Variants in ALDH1L1 observed in about 807,000 individuals in gnomAD.
ALDH1L1 encodes the protein aldehyde dehydrogenase 1 family member L1.
In ALDH1L1, 68 loss-of-function variants were observed where a neutral mutation model predicts 101.1. The ratio of observed to expected loss-of-function variants is 0.67; its 90% confidence interval spans 0.55 to 0.82. ALDH1L1 has a LOEUF of 0.82. Among genes scored for constraint, ALDH1L1 ranks in the 40% least tolerant of loss-of-function variants. ALDH1L1 has a pLI of 0.00. For synonymous variants in ALDH1L1, 486 were observed against 470.8 expected, an observed-to-expected ratio of 1.03 and a Z score of -0.42; for missense variants, 1,087 against 1,172.7, an observed-to-expected ratio of 0.93 and a Z score of 1.07.
At chr3:126,149,629 T>C (rs1019350165) in intron 8 of ALDH1L1, among the ~76,000 whole-genome samples, 1 of 152,180 alleles carries the variant, frequency 6.6e-6, no homozygotes, top group African/African-American at 2.4e-5. Flanking sequence ...CACAAATGCC[T>C]CATGTCCATC....
At chr3:126,157,926 C>T (rs2080949403) in intron 3 of ALDH1L1, among the ~76,000 whole-genome samples, 3 of 152,172 alleles carry the variant, frequency 2.0e-5, no homozygotes, top group Admixed American at 2.0e-4. Context: ...CATTTGTTGT[C>T]TTGGGAATTC....
chr3:126,125,022 G>A (rs1301342085), intron 15 of ALDH1L1, among the ~76,000 whole-genome samples: 1 of 152,154 alleles, frequency 6.6e-6, no homozygotes, highest in Non-Finnish European at 1.5e-5. Context: ...CAGCGGGCAG[G>A]CTGTCATTGC....
Position 126,158,512 on chromosome 3 carries a change from G to A in ALDH1L1, c.255C>T (p.Phe85=). Residue 85 remains phenylalanine (F), a synonymous_variant, in exon 3 of 23, where the codon TTC becomes TTT. Transcript: ENST00000393434. ...ALGAELNVLP[F]CSQFIPMEII... ...TCTCCATGGGGATGAATTGGCTGCA[G>A]AAGGGCAGGACGTTGAGCTCGGCCC... is the stretch of plus-strand genomic sequence containing the variant. 6.2e-7 allele frequency: 1 copy of A among 1,614,210 alleles called. No individual in the cohort carries two copies. Among genetic ancestry groups the A allele is most frequent in the Non-Finnish European group, 8.5e-7 (1 of 1,180,024 alleles).
chr3:126,109,803 C>T (rs2108176772), intron 20 of ALDH1L1, 141 bp downstream of exon 20: 1 of 1,234,008 alleles, frequency 8.1e-7, no homozygotes, highest in East Asian at 2.5e-5. Context: ...CCCAGTCCAT[C>T]CCAGGTCCCA....
At position 126,122,766 on chromosome 3, in the gene ALDH1L1, A is replaced by G. The variant is rs114953048; in HGVS notation, c.1888+1598T>C. On this transcript the variant is annotated intron_variant, in intron 16 of 22. Transcript: ENST00000393434. ...TATAAATCTGAAGTTGATTTTGATA[A>G]GTATATGATAAGTCTTAGAGTAACC... Among the ~76,000 whole-genome samples the G allele has an allele frequency of 5.4e-3, 830 of 152,336 alleles. 8 individuals carry two copies. Among genetic ancestry groups the G allele is most frequent in the African/African-American group, 0.019 (797 of 41,574 alleles).
chr3:126,147,212 G>C (rs564473206), intron 8 of ALDH1L1, among the ~76,000 whole-genome samples: 1 of 152,294 alleles, frequency 6.6e-6, no homozygotes, highest in Non-Finnish European at 1.5e-5. Flanking sequence ...TGACAGTCCA[G>C]CTGATGGAGG....
intron 16 of ALDH1L1, among the ~76,000 whole-genome samples, chr3:126,119,285 C>T (rs2080034849): frequency 6.6e-6 from 1 of 152,218 alleles, no homozygotes; most frequent in Non-Finnish European, 1.5e-5. Context: ...CACTCCTCTG[C>T]CTGCTTGGCA....
intron 14 of ALDH1L1, chr3:126,128,577 C>T (rs2080234477): frequency 6.6e-6 from 1 of 152,270 alleles, no homozygotes; most frequent in Non-Finnish European, 1.5e-5. Flanking sequence ...TGGCGGCCTC[C>T]CTGCCAGGCA....
chr3:126,111,512 C>T (rs1470056530), intron 19 of ALDH1L1, among the ~76,000 whole-genome samples: 1 of 152,224 alleles, frequency 6.6e-6, no homozygotes. Flanking sequence ...CACTGCTGCC[C>T]ACAGAAACAT....
chr3:126,114,547 C>A lies in ALDH1L1; in HGVS notation c.2082+10G>T. The A allele has an allele frequency of 6.7e-7, 1 of 1,491,264 alleles. No individual in the cohort carries two copies. The highest frequency in any genetic ancestry group is 1.4e-5 in the South Asian group (1 of 69,616). 92.4% of individuals were successfully genotyped at this position (1,491,264 alleles called of 1,614,324 possible). A position where few individuals can be genotyped will look rare whatever the true frequency, so the allele number is the denominator to read the frequency against. On this transcript the variant is annotated intron_variant, in intron 18 of 22. Coordinates refer to ENST00000393434, the MANE Select transcript of ALDH1L1 (RefSeq NM_012190.4). The stretch of plus-strand genomic sequence containing the variant: ...TCACTGTCCCTGCCCCCTCCAGGCC[C>A]GGCCCTCACCATCTGCACAGCCTTG...
chr3:126,131,371 G>A lies in ALDH1L1; in HGVS notation c.1623+13C>T. The A allele has an allele frequency of 6.3e-7, 1 of 1,588,240 alleles. No individual in the cohort carries two copies. The highest frequency in any genetic ancestry group is 2.3e-5 in the East Asian group (1 of 44,220). ...CTGCATGTGCTCACACTGGGTGGGAGCCTGGGCCCCACCTGGATCTTGTCA... is the reference window on the plus strand; with the variant it reads ...CTGCATGTGCTCACACTGGGTGGGAACCTGGGCCCCACCTGGATCTTGTCA... On this transcript the variant is annotated intron_variant, in intron 13 of 22. Coordinates refer to ENST00000393434, the MANE Select transcript of ALDH1L1 (RefSeq NM_012190.4).
intron 13 of ALDH1L1, among the ~76,000 whole-genome samples, chr3:126,131,036 A>G (rs1163010137): frequency 6.6e-6 from 1 of 152,226 alleles, no homozygotes; most frequent in South Asian, 2.1e-4. Flanking sequence ...CTGAGCAGGG[A>G]CCTGCAGCCA....
chr3:126,161,990 G>A (rs1559966468), intron 1 of ALDH1L1, among the ~76,000 whole-genome samples: 1 of 152,074 alleles, frequency 6.6e-6, no homozygotes, highest in Non-Finnish European at 1.5e-5. Context: ...GAACCATGCA[G>A]TGTTTTGTAG....
intron 2 of ALDH1L1, chr3:126,159,650 T>A (rs1257673424): frequency 4.9e-6 from 2 of 407,562 alleles, no homozygotes; most frequent in African/African-American, 4.1e-5. Context: ...ACCAATGAAA[T>A]ACTGCTTCAG....
At chr3:126,139,370 T>G (rs774109222) in intron 9 of ALDH1L1, among the ~76,000 whole-genome samples, 1 of 152,148 alleles carries the variant, frequency 6.6e-6, no homozygotes, top group Non-Finnish European at 1.5e-5. Context: ...TTTGGAAAAG[T>G]CACAAACAGA....
chr3:126,124,343 GC>G lies in ALDH1L1; in HGVS notation c.1888+20del. 6.3e-7 allele frequency: 1 copy of G among 1,599,544 alleles called. No individual in the cohort carries two copies. Among genetic ancestry groups the G allele is most frequent in the Non-Finnish European group, 8.5e-7 (1 of 1,171,600 alleles). On this transcript the variant is annotated intron_variant, in intron 16 of 22. Transcript: ENST00000393434. ...TCCAGCTGCCAGAAGCCCTAGCCCT[GC>G]CCCCGACAATGGCTCTTACCAGATC...
intron 1 of ALDH1L1, among the ~76,000 whole-genome samples, chr3:126,192,211 C>T (rs1280554198): frequency 6.6e-6 from 1 of 152,092 alleles, no homozygotes; most frequent in Non-Finnish European, 1.5e-5. Context: ...CTTGTGCATC[C>T]TTGTCCCTTG....
intron 8 of ALDH1L1, among the ~76,000 whole-genome samples, chr3:126,147,503 C>T (rs933345537): frequency 6.6e-6 from 1 of 152,196 alleles, no homozygotes; most frequent in African/African-American, 2.4e-5. Context: ...GGCAGCAGTG[C>T]CCAGCCAGCT....
Position 126,111,993 on chromosome 3 carries a change from T to C in ALDH1L1, c.2181+789A>G, listed in dbSNP as rs539247128. ...GGAGTCATGTCCCACTCTGGCACCA[T>C]GTGGTGAGAAGGTAATGCTGGTGCC... On this transcript the variant is annotated intron_variant, in intron 19 of 22. Transcript: ENST00000393434. 3.2e-4 allele frequency among the ~76,000 whole-genome samples: 48 copies of C among 152,298 alleles called. 1 individual carries two copies. In the South Asian group the frequency reaches 8.1e-3, roughly 26 times the overall value.
Sources: allele counts gnomAD v4.1 joint callset (sites outside exome capture counted in the v4.1 genomes callset), GRCh38; gene constraint gnomAD v4.1.1; transcripts MANE v1.5; gene names NCBI Gene and HGNC (gene_info 2026-07-23, HGNC 2026-07-21).